The following COL17A1 variants were observed in gnomAD, a reference collection of about 807,000 sequenced individuals.
COL17A1 encodes collagen alpha-1(XVII) chain.
In COL17A1, 181 loss-of-function variants were observed where a neutral mutation model predicts 218.4. The ratio of observed to expected loss-of-function variants is 0.83; its 90% CI spans 0.73 to 0.94. The LOEUF is 0.94. COL17A1 is among the 40% of genes least tolerant of loss of function. COL17A1 has a pLI of 0.00. For synonymous variants in COL17A1, 721 were observed against 731.0 expected (o/e 0.99, Z 0.22); for missense variants, 1,924 against 1,945.9 (o/e 0.99, Z 0.21).
chr10:104,059,847 T>C, intron 14 of COL17A1, 129 bp from the exon 15 acceptor site: 1 of 1,084,662 alleles, frequency 9.2e-7, no homozygotes, highest in Non-Finnish European at 1.4e-6. Flanking sequence ...GAAGAGCCCC[T>C]CTTTCCTGGG....
chr10:104,035,131 G>T (rs1008875655), intron 50 of COL17A1, 132 bp downstream of exon 50: 12 of 815,412 alleles, frequency 1.5e-5, no homozygotes, highest in Admixed American at 4.2e-5. Flanking sequence ...CACATGTGGC[G>T]CTCTCCAGGG....
chr10:104,082,878 A>T (rs2086776895), intron 1 of COL17A1, among the ~76,000 whole-genome samples: 1 of 152,216 alleles, frequency 6.6e-6, no homozygotes, highest in African/African-American at 2.4e-5. Flanking sequence ...CAACTTCCAG[A>T]GGGCACGAAG....
chr10:104,034,715 C>G lies in COL17A1; in HGVS notation c.3672G>C (p.Gly1224=). The change falls in exon 51 of 56, where the codon GGG becomes GGC. Residue 1224 remains glycine (G), a synonymous_variant. Transcript: ENST00000648076. ...PGPPGPPGPP[G]PRGPPGVSGA... Reference sequence around the variant, plus strand: ...CTGAGACACCCGGGGGCCCTCGAGGCCCTGGGGGACCAGGAGGTCCTGGAG... The same window carrying G: ...CTGAGACACCCGGGGGCCCTCGAGGGCCTGGGGGACCAGGAGGTCCTGGAG... The G allele has an allele frequency of 6.2e-7, 1 of 1,611,458 alleles. No homozygotes were observed. Among genetic ancestry groups the G allele is most frequent in the South Asian group, 1.1e-5 (1 of 90,270 alleles).
In COL17A1 at chr10:104,076,372, G is replaced by A. The variant is rs749967227; in HGVS notation, c.260C>T (p.Ala87Val). 2 of 1,614,224 alleles carry A rather than the reference G, an allele frequency of 1.2e-6. No homozygotes were observed. The highest frequency in any genetic ancestry group is 2.2e-5 in the South Asian group (2 of 91,082). Residue 87 changes from alanine to valine, a missense_variant, in exon 5 of 56, where the codon GCC becomes GTC. Ala to Val is a moderately conservative substitution (Grantham distance 64). Transcript: ENST00000648076. The part of the protein sequence containing the change: ...TSSYRRAHSP[A>V]STLPNSPGST... ...GCCTGGGGAGTTGGGCAGAGTGGAG[G>A]CAGGTGAGTGAGCCCTCCTGTAACT...
intron 53 of COL17A1, 27 bp downstream of exon 53, chr10:104,033,211 G>A (rs1248825427): frequency 6.4e-7 from 1 of 1,573,174 alleles, no homozygotes. Flanking sequence ...TGAGGCAGGT[G>A]CTGGGAAAGC....
intron 29 of COL17A1, 90 bp from the exon 30 acceptor site, chr10:104,048,194 T>A (rs1222494452): frequency 7.0e-7 from 1 of 1,435,258 alleles, no homozygotes; most frequent in South Asian, 1.1e-5. Flanking sequence ...TGAAGCACAT[T>A]GTGTCCCAGG....
rs928787972 is a variant in COL17A1 at position 104,046,858 on chromosome 10, G to A, written c.2336-85C>T. 5 of 1,302,288 alleles carry A rather than the reference G, an allele frequency of 3.8e-6. No individual in the cohort carries two copies. In the African/African-American group the frequency reaches 7.3e-5, roughly 19 times the overall value. 80.7% of individuals were successfully genotyped at this position (1,302,288 alleles called of 1,614,324 possible). On this transcript the variant is annotated intron_variant, in intron 31 of 55. Coordinates refer to ENST00000648076, the MANE Select transcript of COL17A1 (RefSeq NM_000494.4). ...ACACCCACACCTGCAGAAACCGGTG[G>A]ACACTGCAGTGGAGGGGTCAGTGGG...
intron 13 of COL17A1, 78 bp downstream of exon 13, chr10:104,061,327 G>A (rs2086580480): frequency 2.2e-6 from 3 of 1,377,822 alleles, no homozygotes; most frequent in Non-Finnish European, 2.0e-6. Flanking sequence ...GTATTGGAAG[G>A]ATACACAGGC....
chr10:104,070,348 T>A (rs2086659029), intron 9 of COL17A1, 78 bp downstream of exon 9: 1 of 1,597,574 alleles, frequency 6.3e-7, no homozygotes, highest in Admixed American at 1.7e-5. Flanking sequence ...GTTCTCTGGG[T>A]CTCTGAGTCC....
chr10:104,049,566 C>G, intron 28 of COL17A1, 95 bp from the exon 29 acceptor site: 1 of 1,368,186 alleles, frequency 7.3e-7, no homozygotes, highest in Non-Finnish European at 1.0e-6. Flanking sequence ...GTCAAGGAAG[C>G]AGCTTCTGCT....
At chr10:104,041,576 C>T (rs772114601) in intron 36 of COL17A1, 38 bp from the exon 37 acceptor site, 5 of 1,570,830 alleles carry the variant, frequency 3.2e-6, no homozygotes, top group Non-Finnish European at 4.4e-6. Context: ...CAAAAGCTGT[C>T]ACGAGGCTGC....
In COL17A1 at chr10:104,036,515, C is replaced by G; in HGVS notation, c.3395G>C (p.Ser1132Thr). The G allele has an allele frequency of 6.2e-7, 1 of 1,613,964 alleles. No homozygotes were observed. Among genetic ancestry groups the G allele is most frequent in the Non-Finnish European group, 8.5e-7 (1 of 1,179,934 alleles). Residue 1132 changes from serine (S) to threonine (T), a missense_variant, in exon 48 of 56, where the codon AGT becomes ACT. Transcript: ENST00000648076. Reference sequence around the variant, plus strand: ...ACTCGACATGTAGCTGAGAATGCGACTACTCAGCTCTGCATAGTCCAAAGA... The same window carrying G: ...ACTCGACATGTAGCTGAGAATGCGAGTACTCAGCTCTGCATAGTCCAAAGA... ...LLSLDYAELS[S>T]RILSYMSSSG...
At position 104,034,136 on chromosome 10, in the gene COL17A1, C is replaced by T. The variant is rs778775032; in HGVS notation, c.3965G>A (p.Gly1322Asp). The T allele has an allele frequency of 1.7e-5, 27 of 1,613,888 alleles. No homozygotes were observed. The highest frequency in any genetic ancestry group is 2.3e-5 in the Non-Finnish European group (27 of 1,180,032). ...STGGGGAGSL[G>D]AGGAFGEAAG... ...AGCTTCACCAAAGGCACCGCCTGCA[C>T]CCAGGGAGCCTGCACCACCTCCTCC... Residue 1322 changes from glycine to aspartate, a missense_variant, in exon 52 of 56, where the codon GGT (glycine) becomes GAT (aspartate). Coordinates refer to ENST00000648076, the MANE Select transcript of COL17A1 (RefSeq NM_000494.4).
At position 104,038,461 on chromosome 10, in the gene COL17A1, G is replaced by T. The variant is rs1168070496; in HGVS notation, c.3015C>A (p.Gly1005=). The T allele has an allele frequency of 3.7e-6, 6 of 1,613,996 alleles. No homozygotes were observed. Among genetic ancestry groups the T allele is most frequent in the South Asian group, 1.1e-5 (1 of 91,070 alleles). ...PGPPGPPGPP[G]SISSSGQEIQ... ...TCTCCTGGCCAGAGCTGCTGATAGA[G>T]CCCGGAGGCCCAGGGGGCCCAGGGG... is the stretch of plus-strand genomic sequence containing the variant. The change falls in exon 45 of 56, where the codon GGC becomes GGA. Residue 1005 remains glycine (G), a synonymous_variant. Coordinates refer to ENST00000648076, the MANE Select transcript of COL17A1 (RefSeq NM_000494.4).
chr10:104,071,364 C>G (rs143701702), intron 8 of COL17A1, among the ~76,000 whole-genome samples: 3 of 152,176 alleles, frequency 2.0e-5, no homozygotes, highest in Non-Finnish European at 4.4e-5. Flanking sequence ...TGGACAAGCA[C>G]CCATCTCTGT....
intron 7 of COL17A1, 50 bp from the exon 8 acceptor site, chr10:104,072,129 A>C: frequency 9.9e-6 from 16 of 1,611,520 alleles, no homozygotes; most frequent in Admixed American, 1.7e-5. Flanking sequence ...AGCTTAGATC[A>C]CAATCCCTGA....
At chr10:104,068,876 C>G (rs1001661410) in intron 9 of COL17A1, among the ~76,000 whole-genome samples, 1 of 151,982 alleles carries the variant, frequency 6.6e-6, no homozygotes, top group Non-Finnish European at 1.5e-5. Flanking sequence ...AAGAGCTGGG[C>G]AAGATAGGGG....
Position 104,037,137 on chromosome 10 carries a change from T to TA in COL17A1, c.3209-25dup, listed in dbSNP as rs142392238. On this transcript the variant is annotated intron_variant, in intron 46 of 55. Coordinates refer to ENST00000648076, the MANE Select transcript of COL17A1 (RefSeq NM_000494.4). ...AGCTGTCGGGAAGAAAACCTCAGGTTACCTGCTTAGCAGGTACTGAAGCAA... is the reference window on the plus strand; with the variant it reads ...AGCTGTCGGGAAGAAAACCTCAGGTTAACCTGCTTAGCAGGTACTGAAGCAA... 5.2e-4 allele frequency: 821 copies of TA among 1,590,056 alleles called. 2 individuals carry two copies. In the African/African-American group the frequency reaches 7.4e-3, roughly 14 times the overall value.
chr10:104,052,425 A>T (rs2086478764), intron 23 of COL17A1, among the ~76,000 whole-genome samples: 1 of 152,178 alleles, frequency 6.6e-6, no homozygotes, highest in African/African-American at 2.4e-5. Context: ...CCTAGTAGGC[A>T]CTCAATAAAT....
Sources: gnomAD v4.1 joint callset for allele counts (sites outside exome capture counted in the v4.1 genomes callset) on GRCh38, gnomAD v4.1.1 for gene constraint, MANE v1.5 for transcripts, NCBI Gene and HGNC (gene_info 2026-07-23, HGNC 2026-07-21) for gene names.